DOK4: variants seen among roughly 807,000 people sequenced by gnomAD.
The protein encoded by DOK4 is docking protein 4, also known as downstream of tyrosine kinase 4.
In DOK4, 26 loss-of-function variants were observed where a neutral mutation model predicts 40.1. That is an observed-to-expected ratio of 0.65 (90% CI 0.48 to 0.90). The LOEUF (loss-of-function observed/expected upper bound fraction) is 0.90, where lower values mean the gene tolerates loss of function less well. DOK4 is among the 40% of genes least tolerant of loss of function. The probability of loss-of-function intolerance (pLI) is 0.00; values close to 1 mark genes in which losing one functional copy is unlikely to be tolerated. For missense variants in DOK4, 392 were observed against 437.2 expected (o/e 0.90, Z 0.92); for synonymous variants, 179 against 177.0 (o/e 1.01, Z -0.09).
At chr16:57,484,837 A>G (rs1255402818) in intron 1 of DOK4, among the ~76,000 whole-genome samples, 6 of 152,036 alleles carry the variant, frequency 3.9e-5, no homozygotes, top group Non-Finnish European at 5.9e-5. Context: ...GCACATCACC[A>G]TGGGATTTTC....
chr16:57,480,041 C>T (rs77300091), intron 1 of DOK4: 5,636 of 152,516 alleles, frequency 0.037, 141 homozygotes, highest in Middle Eastern at 0.091. Flanking sequence ...ACTTTGGGAT[C>T]GTGGCCCCAT....
rs751764098 is a variant in DOK4, at chr16:57,474,072, G to A, written c.600-33C>T. On this transcript the variant is annotated intron_variant, in intron 6 of 8. Transcript: ENST00000340099. ...CACAGCACAGAGGGCAAGATGGTGG[G>A]GACCCACCACAGACATGCATGTGAT... is the stretch of plus-strand genomic sequence containing the variant. 3 of 1,612,160 alleles carry A rather than the reference G, an allele frequency of 1.9e-6. No homozygotes were observed. The South Asian group carries it at 3.3e-5, about 18-fold the overall frequency.
At position 57,479,729 on chromosome 16, in the gene DOK4, CT is replaced by C. The variant is rs1366565904; in HGVS notation, c.-181-42del. The C allele has an allele frequency of 1.2e-5, 6 of 487,782 alleles. No homozygotes were observed. Among genetic ancestry groups the C allele is most frequent in the Non-Finnish European group, 7.3e-6 (2 of 273,156 alleles). 30.2% of individuals were successfully genotyped at this position (487,782 alleles called of 1,614,324 possible). A position where few individuals can be genotyped will look rare whatever the true frequency, so the allele number is the denominator to read the frequency against. On this transcript the variant is annotated intron_variant, in intron 1 of 8. Coordinates refer to ENST00000340099, the Ensembl canonical transcript of DOK4. This position sits in a 1 kb window ranked among gnomAD's most constrained non-coding sequence, Gnocchi z 5.8. The stretch of plus-strand genomic sequence containing the variant: ...ACAGGGAGATTAGAGACAGTGACAT[CT>C]TTCTCTTCCTCTCGCTGTCTCGCTC...
chr16:57,473,993 C>T (rs756509738), exon 7 of DOK4: 2 of 1,614,162 alleles, frequency 1.2e-6, no homozygotes, highest in African/African-American at 2.7e-5. Flanking sequence ...ATCTGCTCCC[C>T]CTCTTGTGTC....
intron 7 of DOK4, 49 bp downstream of exon 7, chr16:57,473,852 G>T: frequency 1.3e-6 from 2 of 1,582,706 alleles, no homozygotes; most frequent in Admixed American, 1.8e-5. Flanking sequence ...CTGCCTGCCC[G>T]CCCGTTCCCC....
exon 9 of DOK4, chr16:57,472,328 T>C (rs977766683): frequency 6.5e-6 from 1 of 152,674 alleles, no homozygotes; most frequent in Admixed American, 6.5e-5. Flanking sequence ...ACCAAAAGTT[T>C]GACGTGAATA....
intron 4 of DOK4, 43 bp downstream of exon 4, chr16:57,475,463 C>A (rs2031104052): frequency 6.4e-7 from 1 of 1,550,562 alleles, no homozygotes; most frequent in Middle Eastern, 2.3e-4. Flanking sequence ...CTGACCAAGA[C>A]CACCCCAGGG....
intron 1 of DOK4, among the ~76,000 whole-genome samples, chr16:57,480,698 A>C (rs1289228242): frequency 1.3e-5 from 2 of 152,126 alleles, no homozygotes; most frequent in African/African-American, 4.8e-5. Context: ...GTAGATATGG[A>C]GCAGGAAGTG....
In DOK4 at chr16:57,473,824, T is replaced by C; in HGVS notation, c.738+77A>G. 1.9e-6 allele frequency: 3 copies of C among 1,598,072 alleles called. No homozygotes were observed. In the South Asian group the frequency reaches 3.4e-5, roughly 18 times the overall value. On this transcript the variant is annotated intron_variant, in intron 7 of 8. Transcript: ENST00000340099. ...CAAGACCCTACCTGCCTCCACTGTG[T>C]ACCCCAGGCACTTGGCCCTGCCTGC... is the stretch of plus-strand genomic sequence containing the variant.
intron 1 of DOK4, chr16:57,484,078 C>T (rs1952882855): frequency 6.6e-6 from 1 of 152,298 alleles, no homozygotes; most frequent in Non-Finnish European, 1.5e-5. Flanking sequence ...CCAGGGCCCT[C>T]ACTGCCCACC....
upstream of DOK4, among the ~76,000 whole-genome samples, chr16:57,486,752 C>T (rs1402977775): frequency 2.0e-5 from 3 of 151,852 alleles, no homozygotes; most frequent in African/African-American, 7.2e-5. Context: ...CACATCTCAA[C>T]CCCTTCACTT....
At chr16:57,475,887 G>A in exon 3 of DOK4, 1 of 1,613,484 alleles carries the variant, frequency 6.2e-7, no homozygotes, top group Non-Finnish European at 8.5e-7. Context: ...CTTCTCATCT[G>A]GATACTTCTC....
chr16:57,474,658 G>C (rs1369132150), intron 6 of DOK4, 135 bp downstream of exon 6: 1 of 1,124,794 alleles, frequency 8.9e-7, no homozygotes, highest in Non-Finnish European at 1.3e-6. Context: ...TCTGTAAAAT[G>C]GGAACATTAC....
rs149727861 is a variant in DOK4 at position 57,475,587 on chromosome 16, G to A, written c.208C>T (p.Arg70Trp). The A allele has an allele frequency of 2.0e-4, 324 of 1,607,900 alleles. 3 individuals carry two copies. The highest frequency in any genetic ancestry group is 1.7e-4 in the Non-Finnish European group (200 of 1,178,574). The change falls in exon 4 of 9, where the codon CGG becomes TGG. Residue 70 changes from arginine to tryptophan, a missense_variant. Transcript: ENST00000340099. ...TGCCGCTTGGTCTCCTTGGGGAGCCGCGTAACACACTTGACGTTGCTGATC... is the reference window on the plus strand; with the variant it reads ...TGCCGCTTGGTCTCCTTGGGGAGCCACGTAACACACTTGACGTTGCTGATC...
At chr16:57,474,827 G>A (rs1159086279) in exon 6 of DOK4, 7 of 1,614,020 alleles carry the variant, frequency 4.3e-6, no homozygotes, top group East Asian at 4.5e-5. Context: ...GTGGCATCCC[G>A]GCCATAGCGG....
intron 7 of DOK4, 35 bp downstream of exon 7, chr16:57,473,865 TC>T (rs11458669): frequency 6.5e-7 from 1 of 1,532,516 alleles, no homozygotes; most frequent in Non-Finnish European, 9.0e-7. Context: ...CGTTCCCCCC[TC>T]CCCCCGTACC....
upstream of DOK4, among the ~76,000 whole-genome samples, chr16:57,486,749 C>G (rs1414033219): frequency 6.6e-6 from 1 of 152,080 alleles, no homozygotes; most frequent in Non-Finnish European, 1.5e-5. Context: ...CCCCACATCT[C>G]AACCCCTTCA....
rs750136277 is a variant in DOK4 at position 57,475,026 on chromosome 16, G to T, written c.410-44C>A. The T allele has an allele frequency of 1.9e-6, 3 of 1,600,474 alleles. No homozygotes were observed. The South Asian group carries it at 3.4e-5, about 18-fold the overall frequency. On this transcript the variant is annotated intron_variant, in intron 5 of 8. Coordinates refer to ENST00000340099, the Ensembl canonical transcript of DOK4. ...GACAAGTGGGACCAGAGTTGCCCCA[G>T]ATGGGGACTTCCTCCCTCCCTTCCT...
At chr16:57,482,821 G>A (rs1275496846) in intron 1 of DOK4, among the ~76,000 whole-genome samples, 1 of 152,170 alleles carries the variant, frequency 6.6e-6, no homozygotes, top group Non-Finnish European at 1.5e-5. Flanking sequence ...AGGGCTGTGT[G>A]TATGTATATA....
Sources: gnomAD v4.1 joint callset for allele counts (sites outside exome capture counted in the v4.1 genomes callset) on GRCh38, gnomAD v4.1.1 for gene constraint, Gnocchi (gnomAD v3.1) non-coding constraint, MANE v1.5 for transcripts, NCBI Gene and HGNC (gene_info 2026-07-23, HGNC 2026-07-21) for gene names.